PHKB: variants seen among roughly 807,000 people sequenced by gnomAD.
The protein encoded by PHKB is phosphorylase b kinase regulatory subunit beta.
A neutral mutation model predicts 152.1 loss-of-function variants in PHKB; 122 were observed. The observed-to-expected ratio is 0.80, with a 90% CI of 0.69 to 0.93. The LOEUF is 0.93. Ranked by LOEUF, PHKB falls within the 40% of genes least tolerant of loss-of-function variation. PHKB has a pLI of 0.00. For synonymous variants in PHKB, 436 were observed against 464.9 expected (o/e 0.94, Z 0.80); for missense variants, 1,304 against 1,328.4 (o/e 0.98, Z 0.29).
At chr16:47,651,276 A>C (rs978617275) in intron 20 of PHKB, among the ~76,000 whole-genome samples, 4 of 152,126 alleles carry the variant, frequency 2.6e-5, no homozygotes, top group African/African-American at 9.7e-5. Flanking sequence ...CTGGGAATAA[A>C]CCTTTTTCCA....
At chr16:47,508,860 T>A (rs1970462742) in intron 4 of PHKB, among the ~76,000 whole-genome samples, 1 of 152,208 alleles carries the variant, frequency 6.6e-6, no homozygotes, top group Non-Finnish European at 1.5e-5. Flanking sequence ...GCTTATACTT[T>A]GGACCTTATT....
chr16:47,533,661 G>A lies in PHKB; in HGVS notation c.595-13772G>A, dbSNP rs532880661. ...CTGACTTTGCTCCAAGATCATAGTG[G>A]GTACTGACAGCAGGGAGAAGCCAAG... is the stretch of plus-strand genomic sequence containing the variant. On this transcript the variant is annotated intron_variant, in intron 6 of 30. Coordinates refer to ENST00000323584, the MANE Select transcript of PHKB (RefSeq NM_000293.3). 1.2e-3 allele frequency among the ~76,000 whole-genome samples: 185 copies of A among 152,292 alleles called. 2 individuals are homozygous for A. The highest frequency in any genetic ancestry group is 3.6e-3 in the African/African-American group (148 of 41,570).
At chr16:47,489,078 G>A (rs1367859359) in intron 1 of PHKB, among the ~76,000 whole-genome samples, 1 of 152,130 alleles carries the variant, frequency 6.6e-6, no homozygotes, top group East Asian at 1.9e-4. Context: ...TTTTGAGACA[G>A]AGTCTTGCTC....
At chr16:47,532,187 T>G (rs528844941) in intron 6 of PHKB, among the ~76,000 whole-genome samples, 1 of 152,346 alleles carries the variant, frequency 6.6e-6, no homozygotes, top group Non-Finnish European at 1.5e-5. Flanking sequence ...ATAACCCTAC[T>G]TATCAGTGAA....
At chr16:47,588,875 C>G in intron 9 of PHKB, 30 bp from the exon 10 acceptor site, 1 of 1,578,320 alleles carries the variant, frequency 6.3e-7, no homozygotes, top group Non-Finnish European at 8.7e-7. Flanking sequence ...GCTGTGGACA[C>G]TCACAGTCTC....
intron 2 of PHKB, among the ~76,000 whole-genome samples, chr16:47,499,002 T>C (rs1294762381): frequency 6.6e-6 from 1 of 152,246 alleles, no homozygotes; most frequent in African/African-American, 2.4e-5. Context: ...TAAAATAGTT[T>C]TTAGTAAATG....
chr16:47,520,253 A>G (rs1199194511), intron 6 of PHKB, among the ~76,000 whole-genome samples: 1 of 152,226 alleles, frequency 6.6e-6, no homozygotes, highest in Non-Finnish European at 1.5e-5. Flanking sequence ...CCTTGTTTCT[A>G]AAATTATATG....
intron 16 of PHKB, among the ~76,000 whole-genome samples, chr16:47,642,069 C>T (rs558471131): frequency 3.2e-4 from 48 of 151,650 alleles, no homozygotes; most frequent in Non-Finnish European, 4.9e-4. Context: ...TGTATTCTTA[C>T]ATTTTGATTT....
intron 25 of PHKB, among the ~76,000 whole-genome samples, chr16:47,666,678 A>C (rs973400995): frequency 6.6e-6 from 1 of 152,238 alleles, no homozygotes. Context: ...GTGAACCCCC[A>C]GGGGTCAGAG....
At chr16:47,631,552 A>T (rs1451839492) in intron 14 of PHKB, among the ~76,000 whole-genome samples, 1 of 152,152 alleles carries the variant, frequency 6.6e-6, no homozygotes, top group South Asian at 2.1e-4. Flanking sequence ...ATTGGTATGC[A>T]TGTGCCATGG....
At chr16:47,684,842 A>T (rs1973934216) in intron 26 of PHKB, among the ~76,000 whole-genome samples, 1 of 152,124 alleles carries the variant, frequency 6.6e-6, no homozygotes, top group Admixed American at 6.6e-5. Flanking sequence ...GAATACTAAC[A>T]TTCCCTTTTG....
Position 47,541,397 on chromosome 16 carries a change from T to C in PHKB, c.595-6036T>C, listed in dbSNP as rs376875708. 1.9e-3 allele frequency among the ~76,000 whole-genome samples: 282 copies of C among 152,348 alleles called. 5 individuals carry two copies. The South Asian group carries it at 0.055, about 30-fold the overall frequency. ...ACATTTTCTTAATCCAGTCTATCAT[T>C]GATGGACATTTGGGTTGGTTCCAAG... On this transcript the variant is annotated intron_variant, in intron 6 of 30. Transcript: ENST00000323584.
intron 26 of PHKB, among the ~76,000 whole-genome samples, chr16:47,680,308 C>T (rs1973824836): frequency 6.6e-6 from 1 of 152,174 alleles, no homozygotes; most frequent in South Asian, 2.1e-4. Context: ...AGGATTCCCT[C>T]TTTTTCTATT....
intron 1 of PHKB, among the ~76,000 whole-genome samples, chr16:47,490,957 C>T (rs954326172): frequency 6.6e-6 from 1 of 152,194 alleles, no homozygotes; most frequent in Non-Finnish European, 1.5e-5. Flanking sequence ...TAATTCAAAA[C>T]AATTCTTTAA....
Position 47,610,937 on chromosome 16 carries a change from T to C in PHKB, c.1458+17T>C. The C allele has an allele frequency of 7.0e-7, 1 of 1,432,544 alleles. No individual in the cohort carries two copies. Among genetic ancestry groups the C allele is most frequent in the Non-Finnish European group, 9.9e-7 (1 of 1,014,558 alleles). The allele number at this position is 1,432,544 out of a possible 1,614,324, so 88.7% of individuals were successfully genotyped here. On this transcript the variant is annotated intron_variant, in intron 14 of 30. Transcript: ENST00000323584. ...TCCAATCAGGTAAAGAATTATTCTATTTCTTGATTTAGACTCGTCCAGAGA... is the reference window on the plus strand; with the variant it reads ...TCCAATCAGGTAAAGAATTATTCTACTTCTTGATTTAGACTCGTCCAGAGA...
Position 47,564,053 on chromosome 16 carries a change from A to AT in PHKB, c.711-16233dup, listed in dbSNP as rs1206141095. Among the ~76,000 whole-genome samples the AT allele has an allele frequency of 9.5e-5, 12 of 125,668 alleles. No individual in the cohort carries two copies. The South Asian group carries it at 2.2e-3, about 23-fold the overall frequency. 82.4% of individuals were successfully genotyped at this position (125,668 alleles called of 152,430 possible). A position where few individuals can be genotyped will look rare whatever the true frequency, so the allele number is the denominator to read the frequency against. On this transcript the variant is annotated intron_variant, in intron 7 of 30. Coordinates refer to ENST00000323584, the MANE Select transcript of PHKB (RefSeq NM_000293.3). ...TCCATGGTGTGTGTGTGTTTGTCAC[A>AT]TTTTTTTTTAATCCACTTATGGGTT...
At chr16:47,686,412 C>T (rs190957010) in intron 26 of PHKB, among the ~76,000 whole-genome samples, 1 of 152,278 alleles carries the variant, frequency 6.6e-6, no homozygotes, top group Non-Finnish European at 1.5e-5. Flanking sequence ...TTTGCATTAC[C>T]TTCCTCTAAA....
chr16:47,639,735 G>A (rs549791985), intron 14 of PHKB, among the ~76,000 whole-genome samples: 1 of 152,164 alleles, frequency 6.6e-6, no homozygotes, highest in Non-Finnish European at 1.5e-5. Flanking sequence ...TCTGTATTCT[G>A]TATGTTTTCA....
chr16:47,538,422 T>A (rs796457348), intron 6 of PHKB, among the ~76,000 whole-genome samples: 3 of 152,212 alleles, frequency 2.0e-5, no homozygotes, highest in Non-Finnish European at 2.9e-5. Flanking sequence ...TGGGATGTAC[T>A]GTTCTACCCT....
Sources: gnomAD v4.1 joint callset for allele counts (sites outside exome capture counted in the v4.1 genomes callset) on GRCh38, gnomAD v4.1.1 for gene constraint, MANE v1.5 for transcripts, NCBI Gene and HGNC (gene_info 2026-07-23, HGNC 2026-07-21) for gene names.